CIST1: variants seen among roughly 807,000 people sequenced by gnomAD.
CIST1 encodes uncharacterized LOC729966.
At chr19:18,252,015 TG>T in the CIST1 span, 2 of 398,494 alleles carry the variant, frequency 5.0e-6, no homozygotes, top group African/African-American at 4.1e-5. Flanking sequence ...AACTGCAGCC[TG>T]TTACACCCGC....
the CIST1 span, chr19:18,250,379 A>G: frequency 2.5e-6 from 1 of 399,128 alleles, no homozygotes; most frequent in East Asian, 3.6e-5. Context: ...AGCCATGACC[A>G]CAGACCCGAT....
the CIST1 span, chr19:18,252,533 G>A: frequency 5.0e-6 from 2 of 398,708 alleles, no homozygotes; most frequent in Non-Finnish European, 8.8e-6. Flanking sequence ...GAGAGGTCAA[G>A]GTGAGAGCAT....
chr19:18,254,731 G>A, the CIST1 span, among the ~76,000 whole-genome samples: 5 of 152,160 alleles, frequency 3.3e-5, no homozygotes, highest in African/African-American at 9.7e-5. Flanking sequence ...AAGGGAATGC[G>A]AGAAGCTCAA....
the CIST1 span, among the ~76,000 whole-genome samples, chr19:18,251,014 G>A: frequency 6.6e-6 from 1 of 152,090 alleles, no homozygotes; most frequent in African/African-American, 2.4e-5. Context: ...TGGCTCAGGT[G>A]ATCCACCCGC....
the CIST1 span, chr19:18,252,129 GT>G: frequency 2.5e-6 from 1 of 399,396 alleles, no homozygotes; most frequent in Non-Finnish European, 4.4e-6. Flanking sequence ...GCTGTGGGAA[GT>G]GGGGCTCCAG....
the CIST1 span, chr19:18,250,234 T>G: frequency 2.6e-4 from 103 of 398,962 alleles, no homozygotes; most frequent in East Asian, 3.6e-3. Context: ...GCAGCCCAGG[T>G]TGGCCCTGCT....
At chr19:18,254,607 C>T in the CIST1 span, among the ~76,000 whole-genome samples, 1 of 152,176 alleles carries the variant, frequency 6.6e-6, no homozygotes, top group Non-Finnish European at 1.5e-5. Flanking sequence ...TGAAACCCTT[C>T]CCTGCAATGA....
At chr19:18,251,900 T>G in the CIST1 span, among the ~76,000 whole-genome samples, 21 of 151,806 alleles carry the variant, frequency 1.4e-4, no homozygotes, top group Admixed American at 2.6e-4. Flanking sequence ...ACTAGGCACT[T>G]AATAAATGCG....
chr19:18,250,085 A>T, the CIST1 span: 1 of 398,610 alleles, frequency 2.5e-6, no homozygotes, highest in East Asian at 3.6e-5. Flanking sequence ...CTCCCCAGGA[A>T]CCCCAGCCCC....
chr19:18,253,589 C>T, the CIST1 span, among the ~76,000 whole-genome samples: 2 of 150,442 alleles, frequency 1.3e-5, no homozygotes, highest in African/African-American at 4.9e-5. Context: ...AGAATAGAAA[C>T]ACAGTGGGTG....
At chr19:18,251,145 A>G in the CIST1 span, among the ~76,000 whole-genome samples, 1 of 150,074 alleles carries the variant, frequency 6.7e-6, no homozygotes, top group African/African-American at 2.5e-5. Flanking sequence ...TTCCCCCCCG[A>G]GATGGAGTCT....
chr19:18,252,933 A>AC, the CIST1 span, among the ~76,000 whole-genome samples: 1 of 151,962 alleles, frequency 6.6e-6, no homozygotes, highest in Non-Finnish European at 1.5e-5. Context: ...TAATTAATTT[A>AC]TTTTTTTGTC....
chr19:18,255,323 G>A, the CIST1 span: 1 of 397,760 alleles, frequency 2.5e-6, no homozygotes, highest in East Asian at 3.6e-5. This position sits in a 1 kb window ranked among gnomAD's most constrained non-coding sequence, Gnocchi z 4.6. Flanking sequence ...CGCCGGGAGG[G>A]CCTGCCACCG....
the CIST1 span, among the ~76,000 whole-genome samples, chr19:18,254,183 G>GT: frequency 2.6e-5 from 4 of 152,222 alleles, no homozygotes; most frequent in Admixed American, 2.6e-4. Context: ...CTGGCCTGAG[G>GT]TGACTGGGGA....
At chr19:18,250,172 G>A in the CIST1 span, 48 of 398,664 alleles carry the variant, frequency 1.2e-4, no homozygotes, top group South Asian at 1.7e-3. Flanking sequence ...TGTCATTCAC[G>A]GATCCCTGAG....
chr19:18,250,116 T>G, the CIST1 span: 1 of 398,736 alleles, frequency 2.5e-6, no homozygotes, highest in Non-Finnish European at 4.4e-6. Context: ...CCATCTCTGT[T>G]GGCTCCTCAG....
chr19:18,254,854 A>G, the CIST1 span, among the ~76,000 whole-genome samples: 4 of 152,220 alleles, frequency 2.6e-5, no homozygotes, highest in Non-Finnish European at 4.4e-5. Context: ...CCAGGAAGTG[A>G]GTCCCTGTTC....
At chr19:18,254,409 G>A in the CIST1 span, among the ~76,000 whole-genome samples, 106 of 152,306 alleles carry the variant, frequency 7.0e-4, no homozygotes, top group Admixed American at 1.1e-3. Flanking sequence ...GCTGCTGAAG[G>A]GTTGACCAGA....
At chr19:18,250,154 G>T in the CIST1 span, 1 of 398,688 alleles carries the variant, frequency 2.5e-6, no homozygotes, top group Non-Finnish European at 4.4e-6. Context: ...GGTGGGCAAA[G>T]GACAATCTGT....
Sources: gnomAD v4.1 joint callset for allele counts (sites outside exome capture counted in the v4.1 genomes callset) on GRCh38, gnomAD v4.1.1 for gene constraint, Gnocchi (gnomAD v3.1) non-coding constraint, MANE v1.5 for transcripts, NCBI Gene and HGNC (gene_info 2026-07-23, HGNC 2026-07-21) for gene names.